Variants in PFKFB3 observed in about 807,000 individuals in gnomAD.
The protein encoded by PFKFB3 is 6-phosphofructo-2-kinase/fructose-2,6-biphosphatase 3, also known as 6-phosphofructo-2-kinase/fructose-2,6-bisphosphatase 3.
PFKFB3 carries 33 observed loss-of-function variants against 68.0 expected under a neutral mutation model. The ratio of observed to expected loss-of-function variants is 0.49; its 90% confidence interval spans 0.37 to 0.65. The LOEUF (loss-of-function observed/expected upper bound fraction) is 0.65. PFKFB3 is among the 30% of genes least tolerant of loss of function. PFKFB3 has a pLI of 0.00. For missense variants in PFKFB3, 586 were observed against 712.2 expected, an observed-to-expected ratio of 0.82 and a Z score of 2.02; for synonymous variants, 315 against 288.2, an observed-to-expected ratio of 1.09 and a Z score of -0.94.
intron 1 of PFKFB3, among the ~76,000 whole-genome samples, chr10:6,191,559 G>C (rs1256964902): frequency 6.6e-6 from 1 of 152,256 alleles, no homozygotes; most frequent in Non-Finnish European, 1.5e-5. Flanking sequence ...GAGAGGTAGA[G>C]CTGGGATGGG....
chr10:6,248,692 G>C (rs1219294667), intron 14 of PFKFB3, among the ~76,000 whole-genome samples: 5 of 147,438 alleles, frequency 3.4e-5, no homozygotes, highest in African/African-American at 1.2e-4. Context: ...AAGAAGACAT[G>C]CAAATGGCCA....
chr10:6,212,679 T>G lies in PFKFB3; in HGVS notation c.77-944T>G, dbSNP rs187501674. On this transcript the variant is annotated intron_variant, in intron 1 of 14. Coordinates refer to ENST00000379775, the MANE Select transcript of PFKFB3 (RefSeq NM_004566.4). Reference sequence around the variant, plus strand: ...TCTAATTATTTTTTAATTTATTTGTTTGTAGAGGCAGGGCCTTGCTATGTT... The same window carrying G: ...TCTAATTATTTTTTAATTTATTTGTGTGTAGAGGCAGGGCCTTGCTATGTT... Among the ~76,000 whole-genome samples the G allele has an allele frequency of 3.7e-3, 559 of 152,328 alleles. 4 individuals carry two copies. Among genetic ancestry groups the G allele is most frequent in the African/African-American group, 0.013 (534 of 41,568 alleles).
Position 6,228,848 on chromosome 10 carries a change from A to G in PFKFB3, c.1515+2483A>G, listed in dbSNP as rs574914445. Among the ~76,000 whole-genome samples, 3 of 152,164 alleles carry G rather than the reference A, an allele frequency of 2.0e-5. No homozygotes were observed. In the South Asian group the frequency reaches 6.2e-4, roughly 32 times the overall value. On this transcript the variant is annotated intron_variant, in intron 14 of 14. Coordinates refer to ENST00000379775, the MANE Select transcript of PFKFB3 (RefSeq NM_004566.4). This position sits in a 1 kb window ranked among gnomAD's most constrained non-coding sequence, Gnocchi z 4.5. ...ACGCCCGGGGCTGGGTGCAGCCTCC[A>G]TCTCTAACCCATGTGGTCACTTCTG...
chr10:6,214,628 A>G lies in PFKFB3; in HGVS notation c.203-593A>G, dbSNP rs532609286. ...GGCTTCTAGTGAACCTGTTACCCAG[A>G]TAGTGAACATTGTACCCAACTGGTT... On this transcript the variant is annotated intron_variant, in intron 2 of 14. Transcript: ENST00000379775. Among the ~76,000 whole-genome samples the G allele has an allele frequency of 2.8e-4, 42 of 152,270 alleles. 1 individual carries two copies. In the South Asian group the frequency reaches 4.1e-3, roughly 15 times the overall value.
chr10:6,221,785 C>T (rs1844983434), intron 10 of PFKFB3, 40 bp downstream of exon 10: 3 of 1,362,186 alleles, frequency 2.2e-6, no homozygotes, highest in South Asian at 2.5e-5. Flanking sequence ...CCCCAGCACA[C>T]ATGACCACTG....
At chr10:6,299,968 C>CTTTTTTT in the PFKFB3 span, among the ~76,000 whole-genome samples, 17 of 48,596 alleles carry the variant, frequency 3.5e-4, 2 homozygotes, top group African/African-American at 1.5e-3. Context: ...GTTCAGAAGA[C>CTTTTTTT]TTTTTTTTTT....
chr10:6,325,968 G>C, the PFKFB3 span, among the ~76,000 whole-genome samples: 2 of 152,132 alleles, frequency 1.3e-5, no homozygotes, highest in Non-Finnish European at 2.9e-5. Context: ...CTCAGAGGTG[G>C]CTTCATAATA....
At chr10:6,161,575 TACAC>T (rs138248884) in intron 1 of PFKFB3, among the ~76,000 whole-genome samples, 4 of 150,440 alleles carry the variant, frequency 2.7e-5, no homozygotes, top group African/African-American at 9.8e-5. Context: ...TGTATATATA[TACAC>T]ACACACATAT....
chr10:6,177,411 C>CTTTCTTCTTTCTTTCTTTCT (rs1564599711), intron 1 of PFKFB3, among the ~76,000 whole-genome samples: 2 of 41,822 alleles, frequency 4.8e-5, no homozygotes, highest in Non-Finnish European at 1.0e-4. Context: ...TTTCTTTCTT[C>CTTTCTTCTTTCTTTCTTTCT]TTTCTCTTTC....
In PFKFB3 at chr10:6,242,571, C is replaced by T. The variant is rs145286850; in HGVS notation, c.1516-11607C>T. 6.9e-3 allele frequency among the ~76,000 whole-genome samples: 1,028 copies of T among 149,390 alleles called. 9 individuals carry two copies. The highest frequency in any genetic ancestry group is 0.044 in the Middle Eastern group (13 of 294). ...ATGAAACTGTTCCCACCGTAGTGCC[C>T]TGAAGCAGTGTTCTGTAAACATTTT... On this transcript the variant is annotated intron_variant, in intron 14 of 14. Transcript: ENST00000640683.
intron 13 of PFKFB3, 123 bp from the exon 14 acceptor site, chr10:6,226,069 A>T: frequency 1.2e-6 from 1 of 855,668 alleles, no homozygotes; most frequent in Non-Finnish European, 1.8e-6. Context: ...GGTCCCGGCC[A>T]CTCCCCTCGG....
At chr10:6,251,009 T>C (rs1028971231) in intron 14 of PFKFB3, among the ~76,000 whole-genome samples, 1 of 152,162 alleles carries the variant, frequency 6.6e-6, no homozygotes, top group Admixed American at 6.5e-5. Flanking sequence ...TCTGTTTTAA[T>C]TGGTTTGAAT....
chr10:6,202,997 A>C lies in PFKFB3; in HGVS notation c.-264A>C. ...GAGAGCGCGGCTGTCACTGCGCCCGAGCATCCCAGAGCTTTCCGAGCGGAC... is the reference window on the plus strand; with the variant it reads ...GAGAGCGCGGCTGTCACTGCGCCCGCGCATCCCAGAGCTTTCCGAGCGGAC... On this transcript the variant is annotated 5_prime_UTR_variant, in exon 1 of 15. Coordinates refer to ENST00000379775, the MANE Select transcript of PFKFB3 (RefSeq NM_004566.4). 1.5e-6 allele frequency: 2 copies of C among 1,323,762 alleles called. No homozygotes were observed. The highest frequency in any genetic ancestry group is 1.9e-6 in the Non-Finnish European group (2 of 1,039,744). The allele number at this position is 1,323,762 out of a possible 1,614,324, so 82.0% of individuals were successfully genotyped here. A position where few individuals can be genotyped will look rare whatever the true frequency, so the allele number is the denominator to read the frequency against.
the PFKFB3 span, chr10:6,293,851 A>G: frequency 5.0e-6 from 2 of 397,372 alleles, no homozygotes; most frequent in Non-Finnish European, 5.1e-6. Flanking sequence ...TCTCAGACCA[A>G]CCAATAAGGT....
the PFKFB3 span, among the ~76,000 whole-genome samples, chr10:6,303,676 G>T: frequency 2.0e-5 from 3 of 151,726 alleles, no homozygotes; most frequent in Non-Finnish European, 1.5e-5. Flanking sequence ...AGCCGGGCGT[G>T]GTGGCAGGCG....
intron 4 of PFKFB3, 80 bp downstream of exon 4, chr10:6,216,271 C>T (rs546999821): frequency 3.8e-5 from 50 of 1,319,412 alleles, no homozygotes; most frequent in Admixed American, 2.7e-4. Flanking sequence ...TGTACCGAGA[C>T]CTGTGCCTCT....
intron 1 of PFKFB3, among the ~76,000 whole-genome samples, chr10:6,176,737 G>A (rs2131765094): frequency 6.6e-6 from 1 of 152,310 alleles, no homozygotes; most frequent in East Asian, 1.9e-4. Context: ...TTGGGTGCCA[G>A]GAGACATGGG....
chr10:6,213,441 G>A (rs919538906), intron 1 of PFKFB3, among the ~76,000 whole-genome samples, 182 bp from the exon 2 acceptor site: 2 of 152,174 alleles, frequency 1.3e-5, no homozygotes, highest in African/African-American at 4.8e-5. Context: ...GATTGTTTAA[G>A]TCTAGAGGTT....
At chr10:6,224,070 A>C (rs779381681) in intron 12 of PFKFB3, 50 bp downstream of exon 12, 4 of 1,612,392 alleles carry the variant, frequency 2.5e-6, no homozygotes. Context: ...TGGCCACAGT[A>C]GCTTCTTGTG....
Sources: allele counts gnomAD v4.1 joint callset (sites outside exome capture counted in the v4.1 genomes callset), GRCh38; gene constraint gnomAD v4.1.1; non-coding constraint Gnocchi (gnomAD v3.1); transcripts MANE v1.5; gene names NCBI Gene and HGNC (gene_info 2026-07-23, HGNC 2026-07-21).